The following DCLK1 variants were observed in gnomAD, a reference collection of about 807,000 sequenced individuals.
The protein encoded by DCLK1 is doublecortin like kinase 1.
In DCLK1, 16 loss-of-function variants were observed where a neutral mutation model predicts 86.2. The ratio of observed to expected loss-of-function variants is 0.19; its 90% CI spans 0.13 to 0.28. The LOEUF is 0.28. Ranked by LOEUF, DCLK1 falls within the 10% of genes least tolerant of loss-of-function variation. The pLI is 1.00. For missense variants in DCLK1, 590 were observed against 940.2 expected, an observed-to-expected ratio of 0.63 and a Z score of 4.87; for synonymous variants, 369 against 370.5, an observed-to-expected ratio of 1.00 and a Z score of 0.05.
Position 35,901,062 on chromosome 13 carries a change from T to C in DCLK1, c.824-29722A>G, listed in dbSNP as rs1447823052. 2.6e-5 allele frequency among the ~76,000 whole-genome samples: 4 copies of C among 152,164 alleles called. No individual in the cohort carries two copies. The East Asian group carries it at 7.7e-4, about 29-fold the overall frequency. ...ATAAGGAAATGTTCTCTCTCACTTATAAAATTAAGAACAGAGGAAATAAAA... is the reference window on the plus strand; with the variant it reads ...ATAAGGAAATGTTCTCTCTCACTTACAAAATTAAGAACAGAGGAAATAAAA... On this transcript the variant is annotated intron_variant, in intron 4 of 16. Transcript: ENST00000360631.
At chr13:36,105,614 T>C (rs938780239) in intron 3 of DCLK1, among the ~76,000 whole-genome samples, 23 of 152,338 alleles carry the variant, frequency 1.5e-4, no homozygotes, top group African/African-American at 5.5e-4. Flanking sequence ...TCTGTCATGT[T>C]ATCATGTATA....
chr13:36,027,853 C>A (rs1882105380), intron 3 of DCLK1, among the ~76,000 whole-genome samples: 1 of 152,150 alleles, frequency 6.6e-6, no homozygotes, highest in African/African-American at 2.4e-5. Context: ...CCACCTCAGC[C>A]TCCCAAGTAG....
intron 3 of DCLK1, among the ~76,000 whole-genome samples, chr13:36,011,174 C>A (rs1881246155): frequency 1.3e-5 from 1 of 78,760 alleles, no homozygotes; most frequent in South Asian, 5.4e-4. Context: ...TTTCAAAAAA[C>A]CAGCTCCTGG....
chr13:36,118,152 G>A (rs1379803271), intron 2 of DCLK1, among the ~76,000 whole-genome samples: 1 of 152,106 alleles, frequency 6.6e-6, no homozygotes, highest in Admixed American at 6.6e-5. Context: ...CAGGCAACAA[G>A]GTCAGAGTTT....
chr13:36,098,654 C>T (rs1566010779), intron 3 of DCLK1, among the ~76,000 whole-genome samples: 1 of 152,166 alleles, frequency 6.6e-6, no homozygotes, highest in Non-Finnish European at 1.5e-5. Context: ...TTCTCTTGTG[C>T]CCCAAAATGT....
chr13:36,017,791 C>T (rs1881598723), intron 3 of DCLK1, among the ~76,000 whole-genome samples: 1 of 152,128 alleles, frequency 6.6e-6, no homozygotes, highest in Admixed American at 6.6e-5. Flanking sequence ...TTATTTCTTA[C>T]ATCCCACAAC....
At chr13:35,929,863 C>CTT (rs375433797) in intron 4 of DCLK1, among the ~76,000 whole-genome samples, 93,299 of 142,002 alleles carry the variant, frequency 0.66, 31,222 homozygotes, top group Admixed American at 0.75. Flanking sequence ...CATTTTTTTT[C>CTT]TTTTTTTTTT....
At chr13:35,805,600 A>G in intron 15 of DCLK1, 99 bp downstream of exon 15, 1 of 1,258,320 alleles carries the variant, frequency 7.9e-7, no homozygotes, top group Non-Finnish European at 1.1e-6. Context: ...CGCCTGGCCC[A>G]CAACACTTTC....
intron 3 of DCLK1, among the ~76,000 whole-genome samples, chr13:36,013,669 T>C (rs1881392921): frequency 6.6e-6 from 1 of 152,310 alleles, no homozygotes; most frequent in South Asian, 2.1e-4. Context: ...CAGAGGTTAC[T>C]GCTGTCTTTT....
At chr13:35,953,291 G>A (rs1374812336) in intron 3 of DCLK1, among the ~76,000 whole-genome samples, 1 of 152,090 alleles carries the variant, frequency 6.6e-6, no homozygotes, top group East Asian at 1.9e-4. Flanking sequence ...GAACCCAAAT[G>A]CAGGCTGTTA....
At chr13:35,852,487 T>C (rs1870727075) in intron 6 of DCLK1, among the ~76,000 whole-genome samples, 2 of 152,226 alleles carry the variant, frequency 1.3e-5, no homozygotes, top group South Asian at 4.1e-4. Flanking sequence ...TGTTTTCAGA[T>C]GGTATAAACC....
intron 3 of DCLK1, among the ~76,000 whole-genome samples, chr13:36,036,014 C>A (rs1339224758): frequency 2.6e-5 from 4 of 152,060 alleles, no homozygotes; most frequent in African/African-American, 7.2e-5. Flanking sequence ...GACTTGGACA[C>A]TGGACCAAAT....
In DCLK1 at chr13:35,773,984, TGAA is replaced by T. The variant is rs1291649419; in HGVS notation, c.*548_*550del. The T allele has an allele frequency of 6.6e-6, 1 of 152,324 alleles. No individual in the cohort carries two copies. Among genetic ancestry groups the T allele is most frequent in the African/African-American group, 2.4e-5 (1 of 41,428 alleles). 9.4% of individuals were successfully genotyped at this position (152,324 alleles called of 1,614,324 possible). On this transcript the variant is annotated 3_prime_UTR_variant, in exon 17 of 17. Transcript: ENST00000360631. Reference sequence around the variant, plus strand: ...AAAAATCTGTTTCTGAATAGGATTGTGAAGAAGAAAGAACCGTGCGTGTGTCGA... The same window carrying T: ...AAAAATCTGTTTCTGAATAGGATTGTGAAGAAAGAACCGTGCGTGTGTCGA...
At chr13:35,873,565 T>C (rs1000175300) in intron 4 of DCLK1, among the ~76,000 whole-genome samples, 6 of 151,874 alleles carry the variant, frequency 4.0e-5, no homozygotes, top group Admixed American at 6.6e-5. Flanking sequence ...TTTGTATTTT[T>C]AGTAGAGGTG....
intron 5 of DCLK1, among the ~76,000 whole-genome samples, chr13:35,870,630 T>A (rs149686803): frequency 3.9e-5 from 6 of 152,352 alleles, no homozygotes; most frequent in Non-Finnish European, 8.8e-5. Flanking sequence ...ACTTTCTAAC[T>A]GACTTCATGT....
In DCLK1 at chr13:35,787,944, T is replaced by C. The variant is rs2086650855; in HGVS notation, c.2058+5422A>G. ...CAGGAAAATGCTTTGGCATTAGCAC[T>C]AAATATACTGTCCTTTTAACCATAA... On this transcript the variant is annotated intron_variant, in intron 16 of 16. Transcript: ENST00000360631. 4.8e-5 allele frequency: 21 copies of C among 441,630 alleles called. No homozygotes were observed. The South Asian group carries it at 4.8e-4, about 10-fold the overall frequency. 27.4% of individuals were successfully genotyped at this position (441,630 alleles called of 1,614,324 possible).
chr13:35,865,664 C>A (rs1271244756), intron 5 of DCLK1, among the ~76,000 whole-genome samples: 2 of 152,174 alleles, frequency 1.3e-5, no homozygotes, highest in Non-Finnish European at 2.9e-5. Flanking sequence ...CTAGCAAATG[C>A]CTGACACTAG....
chr13:35,823,282 C>T (rs1246775866), intron 10 of DCLK1, among the ~76,000 whole-genome samples: 1 of 151,958 alleles, frequency 6.6e-6, no homozygotes, highest in Non-Finnish European at 1.5e-5. Flanking sequence ...CCTTCACCTC[C>T]TCCAGTGAGG....
At chr13:35,821,851 C>T (rs2087401968) in intron 11 of DCLK1, among the ~76,000 whole-genome samples, 1 of 151,866 alleles carries the variant, frequency 6.6e-6, no homozygotes, top group South Asian at 2.1e-4. Flanking sequence ...TGAGGAAGGA[C>T]CCCCATTTGC....
Sources: allele counts gnomAD v4.1 joint callset (sites outside exome capture counted in the v4.1 genomes callset), GRCh38; gene constraint gnomAD v4.1.1; transcripts MANE v1.5; gene names NCBI Gene and HGNC (gene_info 2026-07-23, HGNC 2026-07-21).